PCDHA3: variants seen among roughly 807,000 people sequenced by gnomAD.
The protein encoded by PCDHA3 is protocadherin alpha 3, also known as protocadherin alpha-3.
Under a neutral mutation model 62.2 loss-of-function variants are expected in PCDHA3, and 41 were observed. The observed-to-expected ratio is 0.66, with a 90% CI of 0.51 to 0.86. PCDHA3 has a LOEUF of 0.86. Among genes scored for constraint, PCDHA3 ranks in the 40% least tolerant of loss-of-function variants. PCDHA3 has a pLI of 0.00. For missense variants in PCDHA3, 1,304 were observed against 1,241.2 expected (o/e 1.05, Z -0.76); for synonymous variants, 640 against 555.4 (o/e 1.15, Z -2.14).
intron 1 of PCDHA3, among the ~76,000 whole-genome samples, chr5:140,905,575 G>A (rs1233481804): frequency 6.6e-6 from 1 of 152,138 alleles, no homozygotes; most frequent in Non-Finnish European, 1.5e-5. Flanking sequence ...TGTGAAGAAT[G>A]ATAATGATAT....
At chr5:140,967,371 A>C in intron 1 of PCDHA3, 1 of 1,607,094 alleles carries the variant, frequency 6.2e-7, no homozygotes, top group Non-Finnish European at 8.5e-7. Context: ...CCCCTGCAGG[A>C]GAACAGTAAA....
chr5:140,927,480 C>T (rs782233621), intron 1 of PCDHA3: 3 of 1,613,976 alleles, frequency 1.9e-6, no homozygotes, highest in African/African-American at 1.3e-5. Context: ...GCGAACAGCG[C>T]GCCACCCACC....
chr5:140,950,100 A>G (rs964595718), intron 1 of PCDHA3, among the ~76,000 whole-genome samples: 1 of 151,910 alleles, frequency 6.6e-6, no homozygotes, highest in Non-Finnish European at 1.5e-5. Flanking sequence ...CATTTGTATT[A>G]AATCTCATAC....
At chr5:140,840,664 A>T (rs2150308594) in intron 1 of PCDHA3, among the ~76,000 whole-genome samples, 5 of 152,102 alleles carry the variant, frequency 3.3e-5, no homozygotes, top group Admixed American at 1.3e-4. Context: ...ATATGCACAT[A>T]CATTTTTATT....
At chr5:140,885,427 G>A (rs1276398573) in intron 1 of PCDHA3, among the ~76,000 whole-genome samples, 1 of 152,092 alleles carries the variant, frequency 6.6e-6, no homozygotes, top group Admixed American at 6.5e-5. Flanking sequence ...ATTCCACAGT[G>A]TAAGTGTGCA....
intron 3 of PCDHA3, among the ~76,000 whole-genome samples, chr5:140,990,585 T>C (rs2097401437): frequency 6.6e-6 from 1 of 152,204 alleles, no homozygotes; most frequent in Non-Finnish European, 1.5e-5. Flanking sequence ...TCTTTTCCTA[T>C]AATCACCTGG....
intron 1 of PCDHA3, chr5:140,843,167 A>G: frequency 6.3e-7 from 1 of 1,596,098 alleles, no homozygotes; most frequent in Non-Finnish European, 8.6e-7. Context: ...GCCAGCTGCA[A>G]GCAGCCCTCG....
At chr5:140,872,545 TGAACCCAGGGGTTCAG>T (rs1372003067) in intron 1 of PCDHA3, among the ~76,000 whole-genome samples, 1 of 152,158 alleles carries the variant, frequency 6.6e-6, no homozygotes, top group Non-Finnish European at 1.5e-5. Flanking sequence ...GAGGATCCCC[TGAACCCAGGGGTTCAG>T]GGCTGCAGTG....
intron 1 of PCDHA3, among the ~76,000 whole-genome samples, chr5:140,934,465 A>G (rs1313806464): frequency 1.3e-5 from 2 of 152,152 alleles, no homozygotes; most frequent in African/African-American, 4.8e-5. Context: ...ATGTTTTAAC[A>G]TTATTTTGAA....
chr5:140,858,118 C>T (rs267600398), intron 1 of PCDHA3: 1 of 1,597,724 alleles, frequency 6.3e-7, no homozygotes, highest in East Asian at 2.2e-5. Flanking sequence ...CCGAGGTGGC[C>T]CTGGTGGATG....
chr5:140,986,238 A>G (rs1358537911), intron 3 of PCDHA3, among the ~76,000 whole-genome samples: 1 of 152,152 alleles, frequency 6.6e-6, no homozygotes. Context: ...CCTCTGTGTG[A>G]GCAGACCCGG....
chr5:140,828,276 G>T lies in PCDHA3; in HGVS notation c.2394+24685G>T, dbSNP rs2150153517. 9 of 1,613,972 alleles carry T rather than the reference G, an allele frequency of 5.6e-6. No individual in the cohort carries two copies. In the East Asian group the frequency reaches 6.7e-5, roughly 12 times the overall value. ...CTGGAGCTGGCGGAGCTGGTGCCGCGCCTGTTCAGGATGGCCTCCAAAGAC... is the reference window on the plus strand; with the variant it reads ...CTGGAGCTGGCGGAGCTGGTGCCGCTCCTGTTCAGGATGGCCTCCAAAGAC... On this transcript the variant is annotated intron_variant, in intron 1 of 3. Coordinates refer to ENST00000522353, the MANE Select transcript of PCDHA3 (RefSeq NM_018906.3).
rs561284006 is a variant in PCDHA3, at chr5:140,905,585, T to G, written c.2395-73364T>G. 2.0e-5 allele frequency among the ~76,000 whole-genome samples: 3 copies of G among 152,306 alleles called. No individual in the cohort carries two copies. The East Asian group carries it at 5.8e-4, about 29-fold the overall frequency. On this transcript the variant is annotated intron_variant, in intron 1 of 3. Coordinates refer to ENST00000522353, the MANE Select transcript of PCDHA3 (RefSeq NM_018906.3). ...AGTCATGTGAAGAATGATAATGATATTTTGCTGGGAATTGCATTGAATCTA... is the reference window on the plus strand; with the variant it reads ...AGTCATGTGAAGAATGATAATGATAGTTTGCTGGGAATTGCATTGAATCTA...
intron 1 of PCDHA3, among the ~76,000 whole-genome samples, chr5:140,952,912 C>A (rs1554220675): frequency 6.6e-6 from 1 of 152,042 alleles, no homozygotes; most frequent in East Asian, 1.9e-4. Flanking sequence ...GCTCATCTTA[C>A]ATGGCATGAG....
intron 1 of PCDHA3, chr5:140,860,693 G>C (rs2046523245): frequency 6.6e-6 from 1 of 152,204 alleles, no homozygotes; most frequent in Non-Finnish European, 1.5e-5. Context: ...TTGAGCGACA[G>C]GATATTGTTG....
At chr5:140,849,606 C>A (rs2150442387) in intron 1 of PCDHA3, 1 of 1,598,692 alleles carries the variant, frequency 6.3e-7, no homozygotes, top group East Asian at 2.2e-5. Context: ...AGTTATTGCC[C>A]TGATTAGTGT....
intron 1 of PCDHA3, chr5:140,968,445 G>C (rs782157846): frequency 1.2e-6 from 2 of 1,613,954 alleles, no homozygotes; most frequent in African/African-American, 2.7e-5. Context: ...CCACCACTGA[G>C]CAGCACTGTG....
Position 140,801,611 on chromosome 5 carries a change from G to A in PCDHA3, c.414G>A (p.Lys138=). The A allele has an allele frequency of 6.2e-7, 1 of 1,614,162 alleles. No individual in the cohort carries two copies. The highest frequency in any genetic ancestry group is 8.5e-7 in the Non-Finnish European group (1 of 1,180,024). The stretch of plus-strand genomic sequence containing the variant: ...CGCCAGTTTTTCCAATGGCTGTAAA[G>A]AATCTGTTTATTTCCGAATCCCGAC... ...DNAPVFPMAV[K]NLFISESRQP... is the part of the protein sequence containing the mutation. The change falls in exon 1 of 4, where the codon AAG becomes AAA. Residue 138 remains lysine, a synonymous_variant. Transcript: ENST00000522353.
At chr5:140,846,553 T>G (rs1374500814) in intron 1 of PCDHA3, among the ~76,000 whole-genome samples, 5 of 148,228 alleles carry the variant, frequency 3.4e-5, no homozygotes, top group Non-Finnish European at 7.5e-5. Context: ...TTTTTGTATT[T>G]TTAGTAGAGT....
Sources: allele counts gnomAD v4.1 joint callset (sites outside exome capture counted in the v4.1 genomes callset), GRCh38; gene constraint gnomAD v4.1.1; transcripts MANE v1.5; gene names NCBI Gene and HGNC (gene_info 2026-07-23, HGNC 2026-07-21).